Variants in CDH18 observed in about 807,000 individuals in gnomAD.
CDH18 encodes the protein cadherin 18, also known as cadherin-18.
A neutral mutation model predicts 67.9 loss-of-function variants in CDH18; 31 were observed. The ratio of observed to expected loss-of-function variants is 0.46; its 90% CI spans 0.34 to 0.62. The LOEUF is 0.62. CDH18 is among the 20% of genes least tolerant of loss of function. The probability of loss-of-function intolerance (pLI) is 0.01; values close to 1 mark genes in which losing one functional copy is unlikely to be tolerated. For synonymous variants in CDH18, 362 were observed against 347.2 expected (o/e 1.04, Z -0.48); for missense variants, 890 against 975.5 (o/e 0.91, Z 1.17).
chr5:20,084,126 G>T (rs1248423494), intron 2 of CDH18, among the ~76,000 whole-genome samples: 1 of 152,166 alleles, frequency 6.6e-6, no homozygotes, highest in Admixed American at 6.5e-5. Context: ...CTATGAGCCT[G>T]TTATATCAAA....
chr5:20,575,297 T>C (rs867563186), intron 1 of CDH18, among the ~76,000 whole-genome samples: 4 of 152,138 alleles, frequency 2.6e-5, no homozygotes, highest in Non-Finnish European at 5.9e-5. Flanking sequence ...AATATATTAA[T>C]ATAAACACAG....
chr5:20,566,360 C>CTTTTTTTTT (rs529048391), intron 1 of CDH18, among the ~76,000 whole-genome samples: 1 of 119,262 alleles, frequency 8.4e-6, no homozygotes, highest in Non-Finnish European at 1.7e-5. Context: ...TTTTCTTTTT[C>CTTTTTTTTT]TTTTTTTTTT....
rs181838856 is a variant in CDH18 at position 20,107,557 on chromosome 5, A to G, written c.-517-115543T>C. 2.3e-3 allele frequency among the ~76,000 whole-genome samples: 346 copies of G among 152,288 alleles called. 3 individuals are homozygous for G. The highest frequency in any genetic ancestry group is 7.8e-3 in the African/African-American group (325 of 41,568). On this transcript the variant is annotated intron_variant, in intron 2 of 14. Coordinates refer to the CDH18 transcript ENST00000507958. ...TAACAAATTTTCTAGAGCTGCCATA[A>G]CAAAGTACCACAGATTGGGTGGCTT...
intron 5 of CDH18, among the ~76,000 whole-genome samples, chr5:19,632,321 C>T (rs566550736): frequency 7.9e-5 from 12 of 152,088 alleles, no homozygotes; most frequent in Non-Finnish European, 1.5e-4. Flanking sequence ...TTTTGTTCAC[C>T]CTAGCGTTAG....
chr5:20,082,506 C>G (rs1376012511), intron 2 of CDH18, among the ~76,000 whole-genome samples: 4 of 151,954 alleles, frequency 2.6e-5, no homozygotes, highest in East Asian at 1.9e-4. Flanking sequence ...ATTGCAAAAC[C>G]CTATGCTATC....
At chr5:20,151,669 A>C (rs73762522) in intron 2 of CDH18, among the ~76,000 whole-genome samples, 5,398 of 152,234 alleles carry the variant, frequency 0.035, 326 homozygotes, top group African/African-American at 0.12. Context: ...CTTTTCAAAA[A>C]TAGTCATTCT....
Position 20,546,033 on chromosome 5 carries a change from C to A in CDH18, c.-580+29429G>T, listed in dbSNP as rs146039788. ...GAAATTTCTTCCACTAGATACACTA[C>A]ATCATCTCTCTTAAGTTCAAAGTTC... On this transcript the variant is annotated intron_variant, in intron 1 of 14. Coordinates refer to the CDH18 transcript ENST00000507958. Among the ~76,000 whole-genome samples, 11 of 152,222 alleles carry A rather than the reference C, an allele frequency of 7.2e-5. No homozygotes were observed. In the East Asian group the frequency reaches 2.1e-3, roughly 29 times the overall value.
chr5:19,691,326 T>C (rs1761851505), intron 5 of CDH18, among the ~76,000 whole-genome samples: 1 of 151,782 alleles, frequency 6.6e-6, no homozygotes. Context: ...TTCTAAGAAC[T>C]GGAAAAAGAC....
At chr5:19,769,424 T>TACTAAACTACTAAA (rs1773479895) in intron 3 of CDH18, among the ~76,000 whole-genome samples, 1 of 152,038 alleles carries the variant, frequency 6.6e-6, no homozygotes, top group Non-Finnish European at 1.5e-5. Flanking sequence ...AAAACTACTA[T>TACTAAACTACTAAA]CAACTAAAGT....
At chr5:20,026,535 A>C (rs747903553) in intron 2 of CDH18, among the ~76,000 whole-genome samples, 5 of 152,184 alleles carry the variant, frequency 3.3e-5, no homozygotes, top group Non-Finnish European at 5.9e-5. Context: ...ATAGCAAAAT[A>C]TAAATGTCTT....
At chr5:19,865,188 A>C (rs1785354153) in intron 2 of CDH18, among the ~76,000 whole-genome samples, 1 of 152,110 alleles carries the variant, frequency 6.6e-6, no homozygotes. Context: ...TGCTGTGGGA[A>C]CTCTGAATAA....
chr5:19,896,057 T>C (rs1452186797), intron 2 of CDH18, among the ~76,000 whole-genome samples: 1 of 151,884 alleles, frequency 6.6e-6, no homozygotes, highest in Non-Finnish European at 1.5e-5. Flanking sequence ...AAATTAAAAA[T>C]TTTAAAATAA....
At chr5:20,311,506 G>A (rs1036692080) in intron 1 of CDH18, among the ~76,000 whole-genome samples, 4 of 152,146 alleles carry the variant, frequency 2.6e-5, no homozygotes, top group African/African-American at 9.7e-5. Context: ...GGACATGGAT[G>A]AAGGTGGAAA....
intron 5 of CDH18, among the ~76,000 whole-genome samples, chr5:19,703,613 G>C (rs1045115579): frequency 3.3e-5 from 5 of 152,052 alleles, no homozygotes; most frequent in African/African-American, 1.2e-4. Context: ...TGTTCAAGCA[G>C]TGCCTCGAGT....
intron 2 of CDH18, among the ~76,000 whole-genome samples, chr5:19,977,285 T>C (rs906647395): frequency 4.6e-5 from 7 of 152,224 alleles, no homozygotes; most frequent in African/African-American, 1.7e-4. Flanking sequence ...GATCAGATGC[T>C]GATGTAATCT....
Position 19,745,363 on chromosome 5 carries a change from TG to T in CDH18, c.523+1578del, listed in dbSNP as rs1185473284. Among the ~76,000 whole-genome samples the T allele has an allele frequency of 2.0e-5, 3 of 152,316 alleles. No individual in the cohort carries two copies. In the East Asian group the frequency reaches 5.8e-4, roughly 29 times the overall value. ...TTTAGTATACTGTCTTCCTGGGTAA[TG>T]CCTGCTCTGCCTGTTTTTCTCTCTA... is the stretch of plus-strand genomic sequence containing the variant. On this transcript the variant is annotated intron_variant, in intron 4 of 12. Transcript: ENST00000382275.
intron 2 of CDH18, among the ~76,000 whole-genome samples, chr5:20,092,373 T>C (rs1745519394): frequency 6.6e-6 from 1 of 152,100 alleles, no homozygotes; most frequent in African/African-American, 2.4e-5. Context: ...CTAAATGGCA[T>C]CATACTTGAA....
intron 3 of CDH18, among the ~76,000 whole-genome samples, chr5:19,820,922 GA>G (rs1292783573): frequency 8.6e-5 from 13 of 150,614 alleles, no homozygotes; most frequent in Non-Finnish European, 1.6e-4. Context: ...CACACAACAG[GA>G]AAAAAAATAA....
At chr5:19,800,436 G>A (rs947760276) in intron 3 of CDH18, among the ~76,000 whole-genome samples, 1 of 152,126 alleles carries the variant, frequency 6.6e-6, no homozygotes, top group African/African-American at 2.4e-5. Flanking sequence ...AGGAGTCAGT[G>A]ATGAAGGGAA....
Sources: allele counts gnomAD v4.1 joint callset (sites outside exome capture counted in the v4.1 genomes callset), GRCh38; gene constraint gnomAD v4.1.1; transcripts MANE v1.5; gene names NCBI Gene and HGNC (gene_info 2026-07-23, HGNC 2026-07-21).